Variants in BCHE observed in about 807,000 individuals in gnomAD.
The protein encoded by BCHE is butyrylcholinesterase.
Under a neutral mutation model 51.3 loss-of-function variants are expected in BCHE, and 48 were observed. The ratio of observed to expected loss-of-function variants is 0.94; its 90% confidence interval spans 0.74 to 1.19. BCHE has a LOEUF of 1.19. BCHE is among the 50% of genes most tolerant of loss of function. The pLI is 0.00. For missense variants in BCHE, 847 were observed against 708.2 expected, an observed-to-expected ratio of 1.20 and a Z score of -2.23; for synonymous variants, 251 against 238.0, an observed-to-expected ratio of 1.05 and a Z score of -0.50.
chr3:165,782,469 T>G (rs1712744673), intron 3 of BCHE, among the ~76,000 whole-genome samples: 1 of 144,758 alleles, frequency 6.9e-6, no homozygotes, highest in African/African-American at 2.6e-5. Flanking sequence ...TTGTGATCTT[T>G]GTTTTGCATG....
At chr3:165,827,966 T>G (rs1173978240) in intron 2 of BCHE, 2 of 436,156 alleles carry the variant, frequency 4.6e-6, no homozygotes, top group Non-Finnish European at 9.1e-6. Flanking sequence ...AGCCAAATAT[T>G]TGTTAAATAT....
intron 2 of BCHE, among the ~76,000 whole-genome samples, chr3:165,815,211 ACAGC>A (rs753273274): frequency 2.7e-5 from 4 of 150,282 alleles, no homozygotes; most frequent in Non-Finnish European, 4.4e-5. Flanking sequence ...AATTTCCATA[ACAGC>A]CAAGGAGATA....
intron 2 of BCHE, 90 bp from the exon 3 acceptor site, chr3:165,786,401 T>G: frequency 8.1e-7 from 1 of 1,237,030 alleles, no homozygotes; most frequent in Non-Finnish European, 1.1e-6. Flanking sequence ...CACAAGAGCT[T>G]TAAAGAATTT....
chr3:165,806,995 A>G (rs940620906), intron 2 of BCHE, among the ~76,000 whole-genome samples: 34 of 152,084 alleles, frequency 2.2e-4, no homozygotes, highest in African/African-American at 8.2e-4. Flanking sequence ...CTTTAAAACA[A>G]CTATGATCGA....
At chr3:165,811,875 C>T (rs772843636) in intron 2 of BCHE, among the ~76,000 whole-genome samples, 27 of 151,956 alleles carry the variant, frequency 1.8e-4, no homozygotes, top group Non-Finnish European at 4.0e-4. Context: ...AAGAAATGGG[C>T]TTTGGTGTCA....
intron 1 of BCHE, among the ~76,000 whole-genome samples, chr3:165,832,988 G>A (rs1364073098): frequency 1.3e-5 from 2 of 151,734 alleles, no homozygotes; most frequent in Non-Finnish European, 2.9e-5. Flanking sequence ...ATTTGGTTCA[G>A]GGCTTGATAC....
chr3:165,811,790 A>G (rs947284022), intron 2 of BCHE, among the ~76,000 whole-genome samples: 1 of 152,048 alleles, frequency 6.6e-6, no homozygotes, highest in Non-Finnish European at 1.5e-5. Flanking sequence ...ATAAGTACTG[A>G]GCCCAGTGAG....
intron 2 of BCHE, among the ~76,000 whole-genome samples, chr3:165,808,930 C>T (rs959642601): frequency 6.6e-6 from 1 of 152,102 alleles, no homozygotes; most frequent in Admixed American, 6.6e-5. Flanking sequence ...ATAATTTTCT[C>T]TCTGGATAAG....
chr3:165,785,080 T>C (rs1454287391), intron 3 of BCHE, among the ~76,000 whole-genome samples: 2 of 151,830 alleles, frequency 1.3e-5, no homozygotes, highest in Non-Finnish European at 2.9e-5. Context: ...TACATAATTA[T>C]AATTTTTGTG....
chr3:165,781,475 C>T (rs1425138903), intron 3 of BCHE, among the ~76,000 whole-genome samples: 1 of 151,946 alleles, frequency 6.6e-6, no homozygotes, highest in Non-Finnish European at 1.5e-5. Flanking sequence ...AGCAAACTAA[C>T]ACAACTAACA....
intron 2 of BCHE, among the ~76,000 whole-genome samples, chr3:165,804,348 A>G (rs1222736254): frequency 6.6e-6 from 1 of 152,204 alleles, no homozygotes; most frequent in Non-Finnish European, 1.5e-5. Flanking sequence ...CTATTAAACA[A>G]TGTGAAGTCT....
Position 165,773,258 on chromosome 3 carries a change from A to T in BCHE, c.*124T>A. ...TAAGTTAAAGATGTGAGGAATCAAT[A>T]TTATCCTTCTGGCATTTTTGTTTCA... is the stretch of plus-strand genomic sequence containing the variant. On this transcript the variant is annotated 3_prime_UTR_variant, in exon 4 of 4. Transcript: ENST00000264381. The T allele has an allele frequency of 2.2e-6, 2 of 902,914 alleles. No homozygotes were observed. The highest frequency in any genetic ancestry group is 5.0e-5 in the Admixed American group (2 of 39,992). 55.9% of individuals were successfully genotyped at this position (902,914 alleles called of 1,614,324 possible). A position where few individuals can be genotyped will look rare whatever the true frequency, so the allele number is the denominator to read the frequency against.
chr3:165,808,664 C>T (rs1713964467), intron 2 of BCHE, among the ~76,000 whole-genome samples: 1 of 151,816 alleles, frequency 6.6e-6, no homozygotes, highest in Admixed American at 6.6e-5. Flanking sequence ...GTAATCTCAG[C>T]ACTTTGAGAG....
At chr3:165,828,418 A>G (rs949115729) in intron 2 of BCHE, among the ~76,000 whole-genome samples, 1 of 152,150 alleles carries the variant, frequency 6.6e-6, no homozygotes, top group Non-Finnish European at 1.5e-5. Flanking sequence ...TCCACAGTGA[A>G]TAAGTATTAA....
chr3:165,803,862 G>T (rs2108216102), intron 2 of BCHE, among the ~76,000 whole-genome samples: 1 of 152,276 alleles, frequency 6.6e-6, no homozygotes, highest in East Asian at 1.9e-4. Context: ...TTTAGGAAGA[G>T]ACCTGGGCTG....
chr3:165,811,440 G>GTT (rs1481121118), intron 2 of BCHE, among the ~76,000 whole-genome samples: 1 of 151,340 alleles, frequency 6.6e-6, no homozygotes, highest in African/African-American at 2.4e-5. Context: ...GTAAGTGTGT[G>GTT]TGTGGAATGA....
intron 2 of BCHE, among the ~76,000 whole-genome samples, chr3:165,797,571 T>A (rs927128664): frequency 5.3e-5 from 8 of 151,772 alleles, no homozygotes; most frequent in Admixed American, 6.6e-5. Flanking sequence ...AAAGCTCAAA[T>A]GTACTTTCAA....
chr3:165,825,448 G>A (rs1237280470), intron 2 of BCHE, among the ~76,000 whole-genome samples: 1 of 151,998 alleles, frequency 6.6e-6, no homozygotes, highest in South Asian at 2.1e-4. Context: ...TATTTGATAA[G>A]ATGGAAATAA....
chr3:165,780,825 A>G (rs1712667735), intron 3 of BCHE, among the ~76,000 whole-genome samples: 1 of 152,226 alleles, frequency 6.6e-6, no homozygotes, highest in Non-Finnish European at 1.5e-5. Context: ...AATATAAATT[A>G]GTTCAACCAT....
Sources: allele counts gnomAD v4.1 joint callset (sites outside exome capture counted in the v4.1 genomes callset), GRCh38; gene constraint gnomAD v4.1.1; transcripts MANE v1.5; gene names NCBI Gene and HGNC (gene_info 2026-07-23, HGNC 2026-07-21).